Variants in TAFA1 observed in about 807,000 individuals in gnomAD.
The protein encoded by TAFA1 is chemokine-like protein TAFA-1.
In TAFA1, 4 loss-of-function variants were observed where a neutral mutation model predicts 18.5. The observed-to-expected ratio is 0.22, with a 90% CI of 0.11 to 0.49. TAFA1 has a LOEUF of 0.49. Among genes scored for constraint, TAFA1 ranks in the 20% least tolerant of loss-of-function variants. The pLI is 0.98. For synonymous variants in TAFA1, 56 were observed against 55.2 expected (o/e 1.01, Z -0.06); for missense variants, 147 against 169.0 (o/e 0.87, Z 0.72).
At chr3:68,310,201 G>T (rs2068490957) in intron 2 of TAFA1, among the ~76,000 whole-genome samples, 2 of 151,922 alleles carry the variant, frequency 1.3e-5, no homozygotes, top group African/African-American at 4.8e-5. Context: ...TACTTTAAAA[G>T]CTTACTTGTA....
intron 4 of TAFA1, among the ~76,000 whole-genome samples, chr3:68,540,432 A>G (rs77836433): frequency 0.046 from 7,042 of 152,274 alleles, 576 homozygotes; most frequent in African/African-American, 0.16. Flanking sequence ...ATTAACTAGT[A>G]GAAGGTGGGA....
chr3:68,366,993 C>A (rs1172392422), intron 2 of TAFA1, among the ~76,000 whole-genome samples: 1 of 152,122 alleles, frequency 6.6e-6, no homozygotes, highest in Non-Finnish European at 1.5e-5. Flanking sequence ...CTGTCCTTAC[C>A]CCCCAGTTCT....
chr3:68,069,292 G>A (rs1187987411), intron 2 of TAFA1, among the ~76,000 whole-genome samples: 2 of 152,320 alleles, frequency 1.3e-5, no homozygotes, highest in East Asian at 3.9e-4. Context: ...AGCCAAGGAG[G>A]AACAAGTCAC....
chr3:68,329,116 A>C (rs2068821097), intron 2 of TAFA1, among the ~76,000 whole-genome samples: 3 of 138,652 alleles, frequency 2.2e-5, no homozygotes, highest in East Asian at 2.1e-4. Context: ...ACAGAGTCTC[A>C]CTCCGTCACC....
At chr3:68,222,584 T>C (rs1240610360) in intron 2 of TAFA1, among the ~76,000 whole-genome samples, 1 of 152,238 alleles carries the variant, frequency 6.6e-6, no homozygotes, top group Non-Finnish European at 1.5e-5. Flanking sequence ...CATCTCAATG[T>C]GGCAGATTAA....
chr3:68,169,551 A>T (rs775876580), intron 2 of TAFA1, among the ~76,000 whole-genome samples: 1 of 152,262 alleles, frequency 6.6e-6, no homozygotes, highest in Non-Finnish European at 1.5e-5. Context: ...AACAAATGAT[A>T]ATCATTGCTT....
intron 2 of TAFA1, among the ~76,000 whole-genome samples, chr3:68,036,575 T>C (rs187277317): frequency 7.2e-5 from 11 of 152,304 alleles, no homozygotes; most frequent in African/African-American, 2.4e-4. Context: ...CTGTCACCTC[T>C]CTTTCAAGTT....
intron 3 of TAFA1, among the ~76,000 whole-genome samples, chr3:68,465,822 T>G (rs1416147328): frequency 6.6e-6 from 1 of 152,132 alleles, no homozygotes; most frequent in African/African-American, 2.4e-5. Flanking sequence ...AAATGTTGTC[T>G]GTTTGCTAGG....
intron 3 of TAFA1, among the ~76,000 whole-genome samples, chr3:68,522,826 G>A (rs574890005): frequency 3.5e-4 from 53 of 150,984 alleles, no homozygotes; most frequent in Non-Finnish European, 7.2e-4. Flanking sequence ...TCCAGCCTGG[G>A]CGACTTTGGG....
At position 68,068,552 on chromosome 3, in the gene TAFA1, A is replaced by C. The variant is rs150478467; in HGVS notation, c.118+61808A>C. 3.2e-3 allele frequency among the ~76,000 whole-genome samples: 483 copies of C among 152,354 alleles called. 2 individuals carry two copies. The highest frequency in any genetic ancestry group is 0.011 in the African/African-American group (471 of 41,586). ...AGTAGGCGCCACTATTCTCAGGAAT[A>C]GAACTGCTAAAATAAAAATATATCT... On this transcript the variant is annotated intron_variant, in intron 2 of 4. Transcript: ENST00000478136.
At chr3:68,481,077 T>C (rs1219821938) in intron 3 of TAFA1, among the ~76,000 whole-genome samples, 1 of 152,216 alleles carries the variant, frequency 6.6e-6, no homozygotes, top group Non-Finnish European at 1.5e-5. Flanking sequence ...ACCTCTTTTC[T>C]TTATAAATTA....
intron 2 of TAFA1, among the ~76,000 whole-genome samples, chr3:68,156,648 T>G (rs935149999): frequency 6.6e-6 from 1 of 152,138 alleles, no homozygotes; most frequent in African/African-American, 2.4e-5. Flanking sequence ...GGGAAAACAG[T>G]TCAGTGACCT....
At chr3:68,097,970 A>G (rs1207760588) in intron 2 of TAFA1, among the ~76,000 whole-genome samples, 1 of 152,140 alleles carries the variant, frequency 6.6e-6, no homozygotes, top group Non-Finnish European at 1.5e-5. Flanking sequence ...AAGTGTTGAC[A>G]GGTTATTCCT....
At chr3:68,492,311 G>GT (rs1309600436) in intron 3 of TAFA1, among the ~76,000 whole-genome samples, 4 of 151,784 alleles carry the variant, frequency 2.6e-5, no homozygotes, top group African/African-American at 7.3e-5. Context: ...ACCAGTGGTT[G>GT]TTTTTTTGTT....
At chr3:68,088,249 A>G (rs542722631) in intron 2 of TAFA1, among the ~76,000 whole-genome samples, 26 of 152,320 alleles carry the variant, frequency 1.7e-4, no homozygotes, top group Admixed American at 1.5e-3. Flanking sequence ...TAGCAATCAT[A>G]CTGTCAGACT....
At chr3:68,467,582 A>T (rs2071913149) in intron 3 of TAFA1, among the ~76,000 whole-genome samples, 1 of 152,184 alleles carries the variant, frequency 6.6e-6, no homozygotes, top group South Asian at 2.1e-4. Flanking sequence ...GTAGCATGGG[A>T]ATTTACAGCC....
intron 3 of TAFA1, among the ~76,000 whole-genome samples, chr3:68,499,450 T>TTTC (rs1291089790): frequency 1.3e-5 from 2 of 148,678 alleles, no homozygotes; most frequent in African/African-American, 2.5e-5. Context: ...TCCTTTCTTT[T>TTTC]TTTTTTTTTT....
chr3:68,145,150 C>T, intron 2 of TAFA1: 1 of 847,270 alleles, frequency 1.2e-6, no homozygotes. Context: ...TCCGTAATGA[C>T]ATGAATAATG....
At chr3:68,319,163 A>T (rs1379436465) in intron 2 of TAFA1, among the ~76,000 whole-genome samples, 1 of 152,234 alleles carries the variant, frequency 6.6e-6, no homozygotes, top group Non-Finnish European at 1.5e-5. Flanking sequence ...AAGAGATTTG[A>T]TCCTTGGATA....
Sources: allele counts gnomAD v4.1 joint callset (sites outside exome capture counted in the v4.1 genomes callset), GRCh38; gene constraint gnomAD v4.1.1; transcripts MANE v1.5; gene names NCBI Gene and HGNC (gene_info 2026-07-23, HGNC 2026-07-21).